The following PCSK5 variants were observed in gnomAD, a reference collection of about 807,000 sequenced individuals.
PCSK5 encodes the protein prohormone convertase 5.
PCSK5 carries 129 observed loss-of-function variants against 233.2 expected under a neutral mutation model. The ratio of observed to expected loss-of-function variants is 0.55; its 90% CI spans 0.48 to 0.64. The LOEUF (loss-of-function observed/expected upper bound fraction) is 0.64, where lower values mean the gene tolerates loss of function less well. Among genes scored for constraint, PCSK5 ranks in the 30% least tolerant of loss-of-function variants. The probability of loss-of-function intolerance (pLI) is 0.00; values close to 1 mark genes in which losing one functional copy is unlikely to be tolerated. For synonymous variants in PCSK5, 825 were observed against 879.2 expected, an observed-to-expected ratio of 0.94 and a Z score of 1.09; for missense variants, 2,076 against 2,430.1, an observed-to-expected ratio of 0.85 and a Z score of 3.06.
intron 2 of PCSK5, among the ~76,000 whole-genome samples, chr9:75,939,921 C>T (rs992473955): frequency 1.3e-5 from 2 of 152,206 alleles, no homozygotes; most frequent in African/African-American, 4.8e-5. Flanking sequence ...TCGCTCCCTA[C>T]GTTCACCTCA....
At chr9:76,298,390 G>A (rs181029039) in intron 27 of PCSK5, among the ~76,000 whole-genome samples, 8 of 152,282 alleles carry the variant, frequency 5.3e-5, no homozygotes, top group Admixed American at 5.2e-4. Context: ...ACAGAGATGA[G>A]AGTGTTTCTC....
At chr9:76,076,534 C>A (rs1830652480) in intron 7 of PCSK5, among the ~76,000 whole-genome samples, 1 of 152,100 alleles carries the variant, frequency 6.6e-6, no homozygotes. Flanking sequence ...AATAGATAAG[C>A]CCAAGTATCA....
chr9:76,234,466 T>G (rs1250673470), intron 22 of PCSK5, among the ~76,000 whole-genome samples: 2 of 152,202 alleles, frequency 1.3e-5, no homozygotes, highest in African/African-American at 4.8e-5. Context: ...GGAAGAGAAT[T>G]ATTGATCTTT....
intron 9 of PCSK5, among the ~76,000 whole-genome samples, chr9:76,128,042 T>C (rs566246591): frequency 6.6e-6 from 1 of 152,226 alleles, no homozygotes; most frequent in South Asian, 2.1e-4. Flanking sequence ...GAATGAGAAA[T>C]AGAAATGAGG....
intron 20 of PCSK5, among the ~76,000 whole-genome samples, chr9:76,225,044 T>C (rs1365891706): frequency 6.6e-6 from 1 of 152,076 alleles, no homozygotes; most frequent in African/African-American, 2.4e-5. Flanking sequence ...ATATGAGGAG[T>C]TCTGCCCATT....
chr9:76,181,909 A>T (rs1823888519), intron 16 of PCSK5, among the ~76,000 whole-genome samples: 1 of 152,186 alleles, frequency 6.6e-6, no homozygotes, highest in Non-Finnish European at 1.5e-5. Context: ...GGCATATGGA[A>T]CAAGGTTCAG....
At chr9:76,030,739 G>A (rs183979321) in intron 5 of PCSK5, among the ~76,000 whole-genome samples, 1 of 151,976 alleles carries the variant, frequency 6.6e-6, no homozygotes, top group East Asian at 1.9e-4. Context: ...TGGCTTTGAT[G>A]GCTTTTTATA....
intron 5 of PCSK5, among the ~76,000 whole-genome samples, chr9:76,054,160 C>T (rs943614882): frequency 2.6e-5 from 4 of 152,114 alleles, no homozygotes; most frequent in Non-Finnish European, 5.9e-5. Context: ...CCCCATGATT[C>T]AATTACCTCC....
chr9:76,066,763 A>G (rs1325040696), intron 5 of PCSK5, among the ~76,000 whole-genome samples: 2 of 152,230 alleles, frequency 1.3e-5, no homozygotes, highest in Admixed American at 6.5e-5. Context: ...TATCAGTTGT[A>G]AGCAGTAACT....
intron 7 of PCSK5, among the ~76,000 whole-genome samples, chr9:76,094,152 C>T (rs989009660): frequency 3.9e-5 from 6 of 152,234 alleles, no homozygotes; most frequent in African/African-American, 1.4e-4. Flanking sequence ...AAGGTATGAA[C>T]AGGTCTATCA....
intron 3 of PCSK5, among the ~76,000 whole-genome samples, chr9:75,993,256 C>T (rs1826852416): frequency 1.3e-5 from 2 of 151,848 alleles, no homozygotes; most frequent in Non-Finnish European, 2.9e-5. Flanking sequence ...GGACAGATGC[C>T]AGTGAGGCAG....
chr9:76,095,277 AC>A lies in PCSK5; in HGVS notation c.895-611del, dbSNP rs537909422. On this transcript the variant is annotated intron_variant, in intron 7 of 37. Coordinates refer to ENST00000674117, the MANE Select transcript of PCSK5 (RefSeq NM_001372043.1). Reference sequence around the variant, plus strand: ...CAGTTAGTACTTGCTTCTGATGCTCACCAACAGTGTAATTCAGCATAGAGGC... The same window carrying A: ...CAGTTAGTACTTGCTTCTGATGCTCACAACAGTGTAATTCAGCATAGAGGC... 4.5e-4 allele frequency among the ~76,000 whole-genome samples: 69 copies of A among 152,334 alleles called. 1 individual carries two copies. In the South Asian group the frequency reaches 0.014, roughly 30 times the overall value.
intron 35 of PCSK5, among the ~76,000 whole-genome samples, chr9:76,350,032 T>C (rs1167404236): frequency 6.6e-6 from 1 of 151,334 alleles, no homozygotes; most frequent in Non-Finnish European, 1.5e-5. Context: ...TAATCCCAGC[T>C]ACTTGGAGGC....
intron 9 of PCSK5, among the ~76,000 whole-genome samples, chr9:76,114,288 T>C (rs1832339220): frequency 6.6e-6 from 1 of 152,090 alleles, no homozygotes; most frequent in African/African-American, 2.4e-5. Flanking sequence ...TTCCCTATAG[T>C]GAAATAATTG....
intron 2 of PCSK5, among the ~76,000 whole-genome samples, chr9:75,944,384 C>G (rs1397205474): frequency 6.6e-6 from 1 of 152,102 alleles, no homozygotes; most frequent in East Asian, 1.9e-4. Flanking sequence ...CTTAACCTTT[C>G]CACAGTGCCT....
chr9:76,192,608 GAATTT>G (rs1429048329), intron 20 of PCSK5, among the ~76,000 whole-genome samples: 1 of 83,792 alleles, frequency 1.2e-5, no homozygotes, highest in Non-Finnish European at 3.1e-5. Flanking sequence ...TTCTTGTGTT[GAATTT>G]AATTCTTCTT....
chr9:75,975,840 G>T (rs756161665), intron 2 of PCSK5, among the ~76,000 whole-genome samples: 3 of 152,170 alleles, frequency 2.0e-5, no homozygotes, highest in Non-Finnish European at 2.9e-5. Flanking sequence ...CTTAGAGGAT[G>T]ATTATTCAAA....
intron 1 of PCSK5, among the ~76,000 whole-genome samples, chr9:75,919,296 G>C (rs1320706165): frequency 2.0e-5 from 3 of 152,134 alleles, no homozygotes; most frequent in Non-Finnish European, 4.4e-5. Flanking sequence ...TCAGTAGTTT[G>C]CTCCTTTTTA....
Position 75,996,815 on chromosome 9 carries a change from G to GTTT in PCSK5, c.411+10585_411+10587dup, listed in dbSNP as rs35830280. Among the ~76,000 whole-genome samples the GTTT allele has an allele frequency of 4.4e-3, 615 of 141,358 alleles. 5 individuals carry two copies. Among genetic ancestry groups the GTTT allele is most frequent in the South Asian group, 0.016 (71 of 4,426 alleles). 92.7% of individuals were successfully genotyped at this position (141,358 alleles called of 152,430 possible). On this transcript the variant is annotated intron_variant, in intron 3 of 37. Transcript: ENST00000674117. ...CCATGATGGTGGTTCTGTTAACAAA[G>GTTT]TTTTTTTTTTTTTTTTTATCAAGAT... is the stretch of plus-strand genomic sequence containing the variant.
Sources: gnomAD v4.1 joint callset for allele counts (sites outside exome capture counted in the v4.1 genomes callset) on GRCh38, gnomAD v4.1.1 for gene constraint, MANE v1.5 for transcripts, NCBI Gene and HGNC (gene_info 2026-07-23, HGNC 2026-07-21) for gene names.